Variants in ELFN1 observed in about 807,000 individuals in gnomAD.
ELFN1 encodes the protein extracellular leucine rich repeat and fibronectin type III domain containing 1, also known as protein ELFN1.
ELFN1 carries 6 observed loss-of-function variants against 7.6 expected under a neutral mutation model. That is an observed-to-expected ratio of 0.79 (90% CI 0.43 to 1.56). The LOEUF is 1.56. Among genes scored for constraint, ELFN1 ranks in the 40% most tolerant of loss-of-function variants. The probability of loss-of-function intolerance (pLI) is 0.01; values close to 1 mark genes in which losing one functional copy is unlikely to be tolerated. For missense variants in ELFN1, 1,169 were observed against 1,232.2 expected, an observed-to-expected ratio of 0.95 and a Z score of 0.77; for synonymous variants, 657 against 588.1, an observed-to-expected ratio of 1.12 and a Z score of -1.70.
chr7:1,709,520 T>C (rs1779606209), intron 3 of ELFN1, among the ~76,000 whole-genome samples: 1 of 152,210 alleles, frequency 6.6e-6, no homozygotes, highest in Non-Finnish European at 1.5e-5. Context: ...ATAGTCTAAG[T>C]AGGTGGTGGC....
chr7:1,688,707 G>C (rs1257055126), intron 2 of ELFN1, among the ~76,000 whole-genome samples: 1 of 152,086 alleles, frequency 6.6e-6, no homozygotes, highest in African/African-American at 2.4e-5. Context: ...CCTTTATCCA[G>C]TTCCCCCCAG....
intron 3 of ELFN1, among the ~76,000 whole-genome samples, chr7:1,743,778 G>A (rs561561464): frequency 3.3e-5 from 5 of 152,302 alleles, no homozygotes; most frequent in South Asian, 2.1e-4. Context: ...CGTTGTGGCC[G>A]GGCCTCCTGG....
chr7:1,680,737 A>ATTTTTTT (rs967183963), intron 1 of ELFN1, among the ~76,000 whole-genome samples: 1 of 128,922 alleles, frequency 7.8e-6, no homozygotes, highest in Non-Finnish European at 1.6e-5. Flanking sequence ...TGGATTTACA[A>ATTTTTTT]TTTTTTTTTT....
At chr7:1,668,680 GGCCTCGTTCCACA>G (rs1048596644), upstream of ELFN1, among the ~76,000 whole-genome samples, 1 of 152,222 alleles carries the variant, frequency 6.6e-6, no homozygotes, top group African/African-American at 2.4e-5. Flanking sequence ...GCTCACCGCC[GGCCTCGTTCCACA>G]GGCCCAGGCC....
rs1360060544 is a variant in ELFN1, at chr7:1,670,416, G to A, written c.-549+62G>A. Among the ~76,000 whole-genome samples the A allele has an allele frequency of 6.6e-6, 1 of 151,744 alleles. No individual in the cohort carries two copies. The highest frequency in any genetic ancestry group is 2.4e-5 in the African/African-American group (1 of 41,348). On this transcript the variant is annotated intron_variant, in intron 1 of 3. Transcript: ENST00000424383. This position sits in a 1 kb window ranked among gnomAD's most constrained non-coding sequence, Gnocchi z 6.4. ...GACTTGGGACCCGGACCACCCCCGG[G>A]GAGCGGCGCGGCCAAGCCCCCCGCC...
Position 1,740,622 on chromosome 7 carries a change from T to G in ELFN1, c.-293-3682T>G, listed in dbSNP as rs1177358377. Among the ~76,000 whole-genome samples, 1 of 152,122 alleles carries G rather than the reference T, an allele frequency of 6.6e-6. No individual in the cohort carries two copies. The highest frequency in any genetic ancestry group is 1.5e-5 in the Non-Finnish European group (1 of 68,000). The stretch of plus-strand genomic sequence containing the variant: ...CTTCCTAGGTGATTCGGCCTTTCCC[T>G]GTTTCCTGTGCCAGGTCCGCAGCCT... On this transcript the variant is annotated intron_variant, in intron 3 of 3. Transcript: ENST00000424383. The surrounding 1 kb of genome is among the most constrained non-coding windows in gnomAD (Gnocchi z 5.0).
In ELFN1 at chr7:1,722,633, C is replaced by T. The variant is rs372511400; in HGVS notation, c.-294+13381C>T. 2.6e-5 allele frequency among the ~76,000 whole-genome samples: 4 copies of T among 152,246 alleles called. No individual in the cohort carries two copies. The South Asian group carries it at 8.3e-4, about 32-fold the overall frequency. On this transcript the variant is annotated intron_variant, in intron 3 of 3. Transcript: ENST00000424383. ...TTTAATACCGTCTCTGGTGTCCTGC[C>T]TCTCCTTGTATACCTCCACTAATGG...
At chr7:1,736,046 C>T (rs1204834443) in intron 3 of ELFN1, among the ~76,000 whole-genome samples, 1 of 152,180 alleles carries the variant, frequency 6.6e-6, no homozygotes, top group Non-Finnish European at 1.5e-5. Flanking sequence ...CCCCCACCTG[C>T]TCCTAGCTGG....
intron 3 of ELFN1, among the ~76,000 whole-genome samples, chr7:1,711,760 A>C (rs1779664214): frequency 6.6e-6 from 1 of 152,106 alleles, no homozygotes; most frequent in African/African-American, 2.4e-5. Context: ...CCCTCTGTGG[A>C]TGACAGTGTC....
chr7:1,723,884 C>T (rs945575951), intron 3 of ELFN1, among the ~76,000 whole-genome samples: 1 of 152,264 alleles, frequency 6.6e-6, no homozygotes, highest in Non-Finnish European at 1.5e-5. Flanking sequence ...CTCAGCCAGA[C>T]ACCCCATCTC....
At chr7:1,702,196 G>T (rs1489016487) in intron 2 of ELFN1, among the ~76,000 whole-genome samples, 1 of 152,134 alleles carries the variant, frequency 6.6e-6, no homozygotes, top group Non-Finnish European at 1.5e-5. Flanking sequence ...AGGCCAAGGT[G>T]GGCAAATGAC....
In ELFN1 at chr7:1,746,479, A is replaced by G. The variant is rs1240029331; in HGVS notation, c.1883A>G (p.His628Arg). 2.6e-6 allele frequency: 4 copies of G among 1,512,440 alleles called. No individual in the cohort carries two copies. Among genetic ancestry groups the G allele is most frequent in the Admixed American group, 2.1e-5 (1 of 47,534 alleles). 93.7% of individuals were successfully genotyped at this position (1,512,440 alleles called of 1,614,324 possible). Residue 628 changes from histidine to arginine, a missense_variant, in exon 4 of 4, where the codon CAC (histidine) becomes CGC (arginine). Coordinates refer to ENST00000424383, the MANE Select transcript of ELFN1 (RefSeq NM_001128636.4). ...TTCGGCCACAGCCTGCAGCGGCACC[A>G]CAGCGTGGAGGCCGCCGGGCCCCCT... ...DAFGHSLQRHHSVEAAGPPRA... is the reference protein window; with the variant it reads ...DAFGHSLQRHRSVEAAGPPRA...
chr7:1,671,965 C>A (rs182690513), intron 1 of ELFN1, among the ~76,000 whole-genome samples: 177 of 152,328 alleles, frequency 1.2e-3, no homozygotes, highest in Non-Finnish European at 2.2e-3. Context: ...TGATCCCCAC[C>A]CCTAGTGGGC....
intron 3 of ELFN1, among the ~76,000 whole-genome samples, chr7:1,719,192 C>T (rs1779930983): frequency 7.3e-6 from 1 of 136,100 alleles, no homozygotes; most frequent in Admixed American, 6.9e-5. Context: ...CCAACAGGAC[C>T]CAAGCCACCA....
chr7:1,676,838 A>G (rs755651980), intron 1 of ELFN1, among the ~76,000 whole-genome samples: 1 of 152,200 alleles, frequency 6.6e-6, no homozygotes, highest in African/African-American at 2.4e-5. Context: ...GCTCTTGGGA[A>G]GAGTTGGTTG....
intron 2 of ELFN1, among the ~76,000 whole-genome samples, chr7:1,697,678 C>G (rs568808670): frequency 6.6e-5 from 10 of 152,214 alleles, no homozygotes; most frequent in African/African-American, 2.4e-4. Flanking sequence ...CCTGCCCCCA[C>G]CCCTCCTCCT....
intron 2 of ELFN1, among the ~76,000 whole-genome samples, chr7:1,690,526 G>A (rs1273992747): frequency 6.6e-6 from 1 of 151,784 alleles, no homozygotes; most frequent in Non-Finnish European, 1.5e-5. Flanking sequence ...ATTGGTGGGT[G>A]GATGCTAGAC....
At chr7:1,716,445 C>G (rs1050327993) in intron 3 of ELFN1, among the ~76,000 whole-genome samples, 1 of 152,252 alleles carries the variant, frequency 6.6e-6, no homozygotes, top group African/African-American at 2.4e-5. Flanking sequence ...CATCCTCCCT[C>G]CAGAGCCTTA....
At chr7:1,697,002 C>G (rs984372143) in intron 2 of ELFN1, among the ~76,000 whole-genome samples, 2 of 152,214 alleles carry the variant, frequency 1.3e-5, no homozygotes, top group African/African-American at 4.8e-5. Context: ...GGCTGGGAGG[C>G]TTCTCAGAGG....
Sources: allele counts gnomAD v4.1 joint callset (sites outside exome capture counted in the v4.1 genomes callset), GRCh38; gene constraint gnomAD v4.1.1; non-coding constraint Gnocchi (gnomAD v3.1); transcripts MANE v1.5; gene names NCBI Gene and HGNC (gene_info 2026-07-23, HGNC 2026-07-21).